DNAH8: variants seen among roughly 807,000 people sequenced by gnomAD.
The protein encoded by DNAH8 is axonemal beta dynein heavy chain 8.
DNAH8 carries 382 observed loss-of-function variants against 562.1 expected under a neutral mutation model. The ratio of observed to expected loss-of-function variants is 0.68; its 90% confidence interval spans 0.63 to 0.74. The LOEUF (loss-of-function observed/expected upper bound fraction) is 0.74, where lower values mean the gene tolerates loss of function less well. DNAH8 is among the 30% of genes least tolerant of loss of function. The probability of loss-of-function intolerance (pLI) is 0.00; values close to 1 mark genes in which losing one functional copy is unlikely to be tolerated. For synonymous variants in DNAH8, 1,881 were observed against 1,919.4 expected (o/e 0.98, Z 0.52); for missense variants, 5,203 against 5,620.4 (o/e 0.93, Z 2.37).
At chr6:39,017,600 T>C (rs1452010909) in intron 91 of DNAH8, among the ~76,000 whole-genome samples, 2 of 152,202 alleles carry the variant, frequency 1.3e-5, no homozygotes, top group Admixed American at 1.3e-4. Flanking sequence ...AATCTGGAGC[T>C]TGATGCCATT....
chr6:38,844,812 G>A (rs1032009681), intron 35 of DNAH8, among the ~76,000 whole-genome samples: 11 of 152,076 alleles, frequency 7.2e-5, no homozygotes, highest in African/African-American at 2.7e-4. Flanking sequence ...TCCTCCCAGA[G>A]AGTCTCTGCT....
In DNAH8 at chr6:38,737,884, T is replaced by C. The variant is rs137954757; in HGVS notation, c.1028T>C (p.Phe343Ser). The C allele has an allele frequency of 3.1e-6, 5 of 1,604,388 alleles. No homozygotes were observed. The African/African-American group carries it at 5.4e-5, about 17-fold the overall frequency. Residue 343 changes from phenylalanine to serine, a missense_variant, in exon 7 of 93, where the codon TTT becomes TCT. Coordinates refer to ENST00000327475, the MANE Select transcript of DNAH8 (RefSeq NM_001206927.2). ...DNVNFSKLHT[F>S]EEVTAAASNS... is the part of the protein sequence containing the mutation. The stretch of plus-strand genomic sequence containing the variant: ...GTTAATTTTTCCAAACTGCACACCT[T>C]TGAAGAAGTAACTGCTGCAGCCAGC...
chr6:38,911,457 T>C lies in DNAH8; in HGVS notation c.9741-11T>C. ...ATGATTGAAATGGTCCTTTTAATGTTCTGCTTTCAGATACCGCCGAAGAGC... is the reference window on the plus strand; with the variant it reads ...ATGATTGAAATGGTCCTTTTAATGTCCTGCTTTCAGATACCGCCGAAGAGC... On this transcript the variant is annotated splice_polypyrimidine_tract_variant and intron_variant, in intron 65 of 92. Transcript: ENST00000327475. 6.3e-7 allele frequency: 1 copy of C among 1,583,176 alleles called. No individual in the cohort carries two copies. The highest frequency in any genetic ancestry group is 8.7e-7 in the Non-Finnish European group (1 of 1,151,856).
intron 42 of DNAH8, among the ~76,000 whole-genome samples, chr6:38,860,038 A>G (rs1296619222): frequency 6.6e-6 from 1 of 150,906 alleles, no homozygotes; most frequent in East Asian, 1.9e-4. Flanking sequence ...CTCTTCCCAC[A>G]CCCTCATGAT....
intron 88 of DNAH8, among the ~76,000 whole-genome samples, chr6:38,999,934 A>AAACACACAC (rs1765375173): frequency 1.4e-4 from 21 of 146,778 alleles, no homozygotes; most frequent in Middle Eastern, 3.6e-3. Context: ...CACACACACA[A>AAACACACAC]ACACACACAC....
At chr6:38,975,206 C>T (rs1443899427) in intron 85 of DNAH8, among the ~76,000 whole-genome samples, 1 of 152,148 alleles carries the variant, frequency 6.6e-6, no homozygotes, top group African/African-American at 2.4e-5. Context: ...AGCAACTTGT[C>T]TGTTACGATT....
chr6:38,851,936 C>T (rs1489361242), intron 39 of DNAH8, among the ~76,000 whole-genome samples: 1 of 152,148 alleles, frequency 6.6e-6, no homozygotes, highest in Non-Finnish European at 1.5e-5. Context: ...CCCTCAATTC[C>T]ATATCTGTAA....
At chr6:38,856,226 T>G (rs1312825227) in intron 41 of DNAH8, among the ~76,000 whole-genome samples, 1 of 152,222 alleles carries the variant, frequency 6.6e-6, no homozygotes, top group Non-Finnish European at 1.5e-5. Context: ...TCATATTGTT[T>G]AATGTGCTTA....
rs181007498 is a variant in DNAH8, at chr6:38,993,331, G to A, written c.13214+3159G>A. 2.3e-3 allele frequency among the ~76,000 whole-genome samples: 348 copies of A among 152,284 alleles called. 1 individual carries two copies. The highest frequency in any genetic ancestry group is 7.2e-4 in the Non-Finnish European group (49 of 68,022). Reference sequence around the variant, plus strand: ...TAGGATATATTCCACTAGGTATAAAGAGTACTGTGTTCAAAGGTCACTTGG... The same window carrying A: ...TAGGATATATTCCACTAGGTATAAAAAGTACTGTGTTCAAAGGTCACTTGG... On this transcript the variant is annotated intron_variant, in intron 88 of 92. Transcript: ENST00000327475.
intron 91 of DNAH8, among the ~76,000 whole-genome samples, chr6:39,023,258 C>A (rs574667635): frequency 6.6e-6 from 1 of 152,090 alleles, no homozygotes; most frequent in Non-Finnish European, 1.5e-5. Context: ...TTTGGGAGGC[C>A]GAGGCAGGCG....
chr6:38,795,200 G>A (rs549504378), intron 21 of DNAH8, among the ~76,000 whole-genome samples: 2 of 152,126 alleles, frequency 1.3e-5, no homozygotes, highest in Non-Finnish European at 2.9e-5. Flanking sequence ...CCATCACAAT[G>A]ATCTATTTCC....
chr6:38,817,462 G>A (rs575564417), intron 26 of DNAH8, among the ~76,000 whole-genome samples: 1 of 152,266 alleles, frequency 6.6e-6, no homozygotes, highest in East Asian at 1.9e-4. Flanking sequence ...TTACATCTGT[G>A]GTCTCATGGG....
In DNAH8 at chr6:39,026,683, C is replaced by A; in HGVS notation, c.13836+16C>A. The A allele has an allele frequency of 3.1e-6, 5 of 1,611,558 alleles. No homozygotes were observed. Among genetic ancestry groups the A allele is most frequent in the Non-Finnish European group, 4.2e-6 (5 of 1,179,408 alleles). On this transcript the variant is annotated intron_variant, in intron 92 of 92. Coordinates refer to ENST00000327475, the MANE Select transcript of DNAH8 (RefSeq NM_001206927.2). ...ACCCCCTGGGGTAGGCGTTGCTGGG[C>A]AATAGCAGGGACCATTCTGGAGCCA...
chr6:38,834,492 A>T, intron 31 of DNAH8, 87 bp from the exon 32 acceptor site: 4 of 877,076 alleles, frequency 4.6e-6, no homozygotes, highest in Non-Finnish European at 7.1e-6. Context: ...ATGCTTGTTT[A>T]CTTAAATGGA....
intron 52 of DNAH8, among the ~76,000 whole-genome samples, chr6:38,874,468 C>G (rs771952425): frequency 6.6e-6 from 1 of 151,222 alleles, no homozygotes; most frequent in Non-Finnish European, 1.5e-5. Context: ...GTCCTGGGCT[C>G]GAGCTGTCCT....
In DNAH8 at chr6:38,895,346, TA is replaced by T. The variant is rs576856495; in HGVS notation, c.8747+489del. 8.7e-4 allele frequency among the ~76,000 whole-genome samples: 132 copies of T among 152,208 alleles called. 1 individual carries two copies. Among genetic ancestry groups the T allele is most frequent in the African/African-American group, 3.0e-3 (123 of 41,526 alleles). ...GGCATCTCTCACCTGCCCACTGTCTTAAAAAAATGCTCTGCCGATTTATTCC... is the reference window on the plus strand; with the variant it reads ...GGCATCTCTCACCTGCCCACTGTCTTAAAAAATGCTCTGCCGATTTATTCC... On this transcript the variant is annotated intron_variant, in intron 59 of 92. Coordinates refer to ENST00000327475, the MANE Select transcript of DNAH8 (RefSeq NM_001206927.2).
chr6:38,848,584 G>T, intron 36 of DNAH8, 64 bp from the exon 37 acceptor site: 2 of 1,343,966 alleles, frequency 1.5e-6, no homozygotes, highest in South Asian at 2.6e-5. Flanking sequence ...AATTTACTTC[G>T]GTAAGGCCAT....
At chr6:38,924,645 C>T (rs1781969909) in intron 73 of DNAH8, among the ~76,000 whole-genome samples, 1 of 151,970 alleles carries the variant, frequency 6.6e-6, no homozygotes, top group South Asian at 2.1e-4. Flanking sequence ...ATCTTGCTTC[C>T]AAATTAAGAC....
At chr6:38,818,562 G>GAAA (rs1772514168) in intron 26 of DNAH8, among the ~76,000 whole-genome samples, 1 of 72,190 alleles carries the variant, frequency 1.4e-5, no homozygotes. Context: ...AAGAAGATAT[G>GAAA]GGATATTGGA....
Sources: allele counts gnomAD v4.1 joint callset (sites outside exome capture counted in the v4.1 genomes callset), GRCh38; gene constraint gnomAD v4.1.1; transcripts MANE v1.5; gene names NCBI Gene and HGNC (gene_info 2026-07-23, HGNC 2026-07-21).